The following POLG variants were observed in gnomAD, a reference collection of about 807,000 sequenced individuals.
POLG encodes the protein DNA polymerase gamma, catalytic subunit, also known as DNA polymerase subunit gamma-1.
A neutral mutation model predicts 155.4 loss-of-function variants in POLG; 110 were observed. The observed-to-expected ratio is 0.71, with a 90% CI of 0.61 to 0.83. The LOEUF (loss-of-function observed/expected upper bound fraction) is 0.83, where lower values mean the gene tolerates loss of function less well. POLG is among the 40% of genes least tolerant of loss of function. The probability of loss-of-function intolerance (pLI) is 0.00; values close to 1 mark genes in which losing one functional copy is unlikely to be tolerated. For synonymous variants in POLG, 701 were observed against 631.5 expected, an observed-to-expected ratio of 1.11 and a Z score of -1.65; for missense variants, 1,685 against 1,627.5, an observed-to-expected ratio of 1.04 and a Z score of -0.61.
At chr15:89,328,397 G>A in intron 6 of POLG, 59 bp downstream of exon 6, 2 of 1,337,994 alleles carry the variant, frequency 1.5e-6, no homozygotes, top group Non-Finnish European at 2.1e-6. Flanking sequence ...TGATTACAGT[G>A]GGCCCGGGTA....
rs2055614119 is a variant in POLG, at chr15:89,332,986, C to T, written c.659+110G>A. On this transcript the variant is annotated intron_variant, in intron 2 of 22. Transcript: ENST00000268124. ...AGTCCTAATTCAACACATCAGCGCT[C>T]CCTACGTGAGCACCCAGCCCGTAAC... is the stretch of plus-strand genomic sequence containing the variant. 6 of 1,416,196 alleles carry T rather than the reference C, an allele frequency of 4.2e-6. No homozygotes were observed. In the East Asian group the frequency reaches 1.4e-4, roughly 34 times the overall value. 87.7% of individuals were successfully genotyped at this position (1,416,196 alleles called of 1,614,324 possible).
At position 89,319,507 on chromosome 15, in the gene POLG, G is replaced by A. The variant is rs1404530852; in HGVS notation, c.2982-157C>T. 1.3e-5 allele frequency: 13 copies of A among 973,806 alleles called. No individual in the cohort carries two copies. The Admixed American group carries it at 2.7e-4, about 20-fold the overall frequency. The allele number at this position is 973,806 out of a possible 1,614,324, so 60.3% of individuals were successfully genotyped here. ...TATTCAGAGGAAGAAACGGCTCAGA[G>A]AGGCTAAGTGCCTTGCCTAGGATCA... On this transcript the variant is annotated intron_variant, in intron 18 of 22. Coordinates refer to ENST00000268124, the MANE Select transcript of POLG (RefSeq NM_002693.3).
In POLG at chr15:89,333,080, C is replaced by A. The variant is rs770957635; in HGVS notation, c.659+16G>T. 1 of 1,510,260 alleles carries A rather than the reference C, an allele frequency of 6.6e-7. No homozygotes were observed. The highest frequency in any genetic ancestry group is 2.3e-5 in the Admixed American group (1 of 44,020). 93.6% of individuals were successfully genotyped at this position (1,510,260 alleles called of 1,614,324 possible). A position where few individuals can be genotyped will look rare whatever the true frequency, so the allele number is the denominator to read the frequency against. On this transcript the variant is annotated intron_variant, in intron 2 of 22. Transcript: ENST00000268124. ...CCCCCATGCCTGCTTATGTCCCCAA[C>A]CCTGCCCCTACTTACCAGGCCGAGG...
rs139707628 is a variant in POLG, at chr15:89,328,502, C to A, written c.1204G>T (p.Ala402Ser). The change falls in exon 6 of 23, where the codon GCC (alanine) becomes TCC (serine). Residue 402 changes from alanine (A) to serine (S), a missense_variant. Transcript: ENST00000268124. ...TGCTGCTGGAAAACCTCATGGGTGG[C>A]CCACACGTCCTGGGCACAGTACTGC... is the stretch of plus-strand genomic sequence containing the variant. The part of the protein sequence containing the change: ...LMQYCAQDVW[A>S]THEVFQQQLP... 1.2e-6 allele frequency: 2 copies of A among 1,613,742 alleles called. No homozygotes were observed. The highest frequency in any genetic ancestry group is 1.7e-6 in the Non-Finnish European group (2 of 1,179,990).
At position 89,333,682 on chromosome 15, in the gene POLG, A is replaced by G. The variant is rs2055630808; in HGVS notation, c.73T>C (p.Trp25Arg). 1.3e-6 allele frequency: 2 copies of G among 1,546,072 alleles called. No homozygotes were observed. The highest frequency in any genetic ancestry group is 1.7e-6 in the Non-Finnish European group (2 of 1,151,422). Residue 25 changes from tryptophan (W) to arginine (R), a missense_variant, in exon 2 of 23, where the codon TGG becomes CGG. By Grantham distance (101) the Trp-to-Arg change is moderately radical (BLOSUM62 -3). This residue lies in a region of POLG where 1,210 missense variants were observed against 1,167.1 expected (regional missense o/e 1.04). Coordinates refer to ENST00000268124, the MANE Select transcript of POLG (RefSeq NM_002693.3). The stretch of plus-strand genomic sequence containing the variant: ...GACGCGGGGACGGAGCTGGAGACCC[A>G]GCGCCCCGGAGCTGGAACCGGCCCT... ...GPGPVPAPGR[W>R]VSSSVPASDP...
rs1567189595 is a variant in POLG at position 89,325,155 on chromosome 15, TGAGTGAGTGAGTGAGA to T, written c.1949+279_1949+294del. Reference sequence around the variant, plus strand: ...GAGAGTGAGTGAGAGAGTGAGTGAGTGAGTGAGTGAGTGAGAGAGTGAGAGAGTGAGTGAGTGAGAG... The same window carrying T: ...GAGAGTGAGTGAGAGAGTGAGTGAGTGAGTGAGAGAGTGAGTGAGTGAGAG... On this transcript the variant is annotated intron_variant, in intron 10 of 22. Coordinates refer to ENST00000268124, the MANE Select transcript of POLG (RefSeq NM_002693.3). 4.3e-4 allele frequency among the ~76,000 whole-genome samples: 19 copies of T among 43,908 alleles called. 1 individual carries two copies. The highest frequency in any genetic ancestry group is 2.2e-3 in the African/African-American group (14 of 6,234). The allele number at this position is 43,908 out of a possible 152,430, so 28.8% of individuals were successfully genotyped here. A position where few individuals can be genotyped will look rare whatever the true frequency, so the allele number is the denominator to read the frequency against.
At chr15:89,333,984 C>T (rs1372238332) in intron 1 of POLG, 71 bp from the exon 2 acceptor site, 3 of 591,710 alleles carry the variant, frequency 5.1e-6, no homozygotes, top group Admixed American at 3.1e-5. Context: ...ATCATCATTC[C>T]TTGAGCATTT....
rs1555453653 is a variant in POLG, at chr15:89,327,180, G to T, written c.1420C>A (p.Leu474Ile). 3.1e-6 allele frequency: 5 copies of T among 1,614,254 alleles called. No homozygotes were observed. Among genetic ancestry groups the T allele is most frequent in the Middle Eastern group, 1.6e-4 (1 of 6,062 alleles). ...MDLANDACQL[L>I]SGERYKEDPW... Reference sequence around the variant, plus strand: ...AGGCCTGGCTACCTCTCTCCTGAGAGCAGCTGGCAGGCATCATTGGCCAGA... The same window carrying T: ...AGGCCTGGCTACCTCTCTCCTGAGATCAGCTGGCAGGCATCATTGGCCAGA... The change falls in exon 7 of 23, where the codon CTC (leucine) becomes ATC (isoleucine). Residue 474 changes from leucine to isoleucine, a missense_variant. Physicochemically the swap from Leu to Ile is conservative, Grantham distance 5. Around this residue, in one of 3 missense-constraint regions of POLG, gnomAD observed 1,210 missense variants for 1,167.1 expected, o/e 1.04. Transcript: ENST00000268124.
At chr15:89,327,101 G>C in intron 7 of POLG, 38 bp from the exon 8 acceptor site, 4 of 1,614,130 alleles carry the variant, frequency 2.5e-6, no homozygotes, top group Non-Finnish European at 3.4e-6. Flanking sequence ...CTAAGGCTAA[G>C]CCGAAGGCTA....
At chr15:89,317,908 A>G (rs1450549908) in intron 21 of POLG, 4 of 346,154 alleles carry the variant, frequency 1.2e-5, no homozygotes, top group East Asian at 7.5e-5. Flanking sequence ...AATGGGAACA[A>G]TGTTGAATAT....
chr15:89,333,109 A>T lies in POLG; in HGVS notation c.646T>A (p.Ser216Thr). 8 of 1,518,868 alleles carry T rather than the reference A, an allele frequency of 5.3e-6. No homozygotes were observed. Among genetic ancestry groups the T allele is most frequent in the Non-Finnish European group, 7.1e-6 (8 of 1,133,402 alleles). The allele number at this position is 1,518,868 out of a possible 1,614,324, so 94.1% of individuals were successfully genotyped here. Residue 216 changes from serine to threonine, a missense_variant, in exon 2 of 23, where the codon TCC (serine) becomes ACC (threonine). By Grantham distance (58) the Ser-to-Thr change is moderately conservative. Around this residue, in one of 3 missense-constraint regions of POLG, gnomAD observed 1,210 missense variants for 1,167.1 expected, o/e 1.04. Transcript: ENST00000268124. ...GCCCCTACTTACCAGGCCGAGGGGG[A>T]TATGGCCACCGCCAATGTGGGGCAA... ...GTCPTLAVAI[S>T]PSAWYSWCSQ...
chr15:89,323,568 G>C, intron 12 of POLG, 57 bp from the exon 13 acceptor site: 1 of 1,156,482 alleles, frequency 8.6e-7, no homozygotes, highest in Non-Finnish European at 1.3e-6. Flanking sequence ...TTCAGCAAGG[G>C]CCATGGGGTA....
intron 9 of POLG, 90 bp from the exon 10 acceptor site, chr15:89,325,776 C>A: frequency 9.5e-7 from 1 of 1,048,234 alleles, no homozygotes; most frequent in South Asian, 1.3e-5. Flanking sequence ...CCCACCCACC[C>A]TCCAAAGCCC....
At chr15:89,325,109 AGAGAGTGAGTGAGT>A (rs2055470075) in intron 10 of POLG, among the ~76,000 whole-genome samples, 1 of 40,730 alleles carries the variant, frequency 2.5e-5, no homozygotes, top group African/African-American at 1.5e-4. Flanking sequence ...AGAGAGTGAG[AGAGAGTGAGTGAGT>A]GAGTGAGAGA....
chr15:89,328,403 G>T, intron 6 of POLG, 53 bp downstream of exon 6: 1 of 1,415,278 alleles, frequency 7.1e-7, no homozygotes, highest in East Asian at 2.3e-5. Context: ...CAGTGGGCCC[G>T]GGTACCAGGA....
Position 89,316,781 on chromosome 15 carries a change from G to A in POLG, c.3690C>T (p.Ser1230=), listed in dbSNP as rs3179578. Residue 1230 remains serine, a synonymous_variant, in exon 23 of 23, where the codon TCC becomes TCT. Coordinates refer to ENST00000268124, the MANE Select transcript of POLG (RefSeq NM_002693.3). ...GTCCAGGCTGGCTTCGTTTTTCCAA[G>A]GAGCCTTTGGTGAGTTCAATTATCT... ...IYQIIELTKG[S]LEKRSQPGP The A allele has an allele frequency of 6.2e-7, 1 of 1,614,068 alleles. No individual in the cohort carries two copies.
At position 89,316,786 on chromosome 15, in the gene POLG, C is replaced by G; in HGVS notation, c.3685G>C (p.Gly1229Arg). Residue 1229 changes from glycine to arginine, a missense_variant, in exon 23 of 23, where the codon GGC becomes CGC. By Grantham distance (125) the Gly-to-Arg change is moderately radical (BLOSUM62 -2). Coordinates refer to ENST00000268124, the MANE Select transcript of POLG (RefSeq NM_002693.3). ...DIYQIIELTKGSLEKRSQPGP is the reference protein window; with the variant it reads ...DIYQIIELTKRSLEKRSQPGP ...GGCTGGCTTCGTTTTTCCAAGGAGCCTTTGGTGAGTTCAATTATCTGGTAA... is the reference window on the plus strand; with the variant it reads ...GGCTGGCTTCGTTTTTCCAAGGAGCGTTTGGTGAGTTCAATTATCTGGTAA... 6.2e-7 allele frequency: 1 copy of G among 1,614,022 alleles called. No individual in the cohort carries two copies. Among genetic ancestry groups the G allele is most frequent in the Non-Finnish European group, 8.5e-7 (1 of 1,179,918 alleles).
chr15:89,326,383 C>T (rs764307002), intron 9 of POLG, among the ~76,000 whole-genome samples: 25 of 152,202 alleles, frequency 1.6e-4, no homozygotes, highest in Non-Finnish European at 3.5e-4. Context: ...CGGTGGCTGC[C>T]ACGGGCCATT....
intron 11 of POLG, 76 bp from the exon 12 acceptor site, chr15:89,323,977 G>A: frequency 6.5e-7 from 1 of 1,537,128 alleles, no homozygotes; most frequent in Non-Finnish European, 9.0e-7. Flanking sequence ...TCCCTGCATG[G>A]TACTCAGACA....
Sources: gnomAD v4.1 joint callset for allele counts (sites outside exome capture counted in the v4.1 genomes callset) on GRCh38, gnomAD v4.1.1 for gene constraint, gnomAD v4.1.1 regional missense constraint, MANE v1.5 for transcripts, NCBI Gene and HGNC (gene_info 2026-07-23, HGNC 2026-07-21) for gene names.